Variants in EPHA8 observed in about 807,000 individuals in gnomAD.
EPHA8 encodes the protein EPH receptor A8, also known as ephrin type-A receptor 8.
Under a neutral mutation model 103.6 loss-of-function variants are expected in EPHA8, and 58 were observed. That is an observed-to-expected ratio of 0.56 (90% confidence interval 0.45 to 0.70). The LOEUF is 0.70. Among genes scored for constraint, EPHA8 ranks in the 30% least tolerant of loss-of-function variants. EPHA8 has a pLI of 0.00. For synonymous variants in EPHA8, 559 were observed against 572.5 expected, an observed-to-expected ratio of 0.98 and a Z score of 0.34; for missense variants, 1,304 against 1,395.2, an observed-to-expected ratio of 0.93 and a Z score of 1.04.
chr1:22,574,206 C>G (rs1359657773), intron 2 of EPHA8, among the ~76,000 whole-genome samples: 3 of 152,164 alleles, frequency 2.0e-5, no homozygotes, highest in Non-Finnish European at 4.4e-5. Flanking sequence ...GTGTCGATCT[C>G]CTGACCTCGT....
chr1:22,598,043 GT>G lies in EPHA8; in HGVS notation c.2117-105del, dbSNP rs66665740. ...CAGTGGAAACCCAAGGCACCCTGGG[GT>G]TTCCAGTGCTGGCACAGGTCCTGAG... On this transcript the variant is annotated intron_variant, in intron 11 of 16. Coordinates refer to ENST00000166244, the MANE Select transcript of EPHA8 (RefSeq NM_020526.5). This position sits in a 1 kb window ranked among gnomAD's most constrained non-coding sequence, Gnocchi z 5.1. The G allele has an allele frequency of 0.1, 150,029 of 1,443,632 alleles. 9,742 individuals carry two copies. Among genetic ancestry groups the G allele is most frequent in the African/African-American group, 0.26 (18,604 of 70,794 alleles). 89.4% of individuals were successfully genotyped at this position (1,443,632 alleles called of 1,614,324 possible). A position where few individuals can be genotyped will look rare whatever the true frequency, so the allele number is the denominator to read the frequency against.
At position 22,601,453 on chromosome 1, in the gene EPHA8, G is replaced by A. The variant is rs762954946; in HGVS notation, c.2883G>A (p.Met961Ile). ...FAAGGYSSLG[M>I]VLRMNAQDVR... is the part of the protein sequence containing the mutation. ...CGGGCGGATACTCCTCTCTGGGCAT[G>A]GTGCTACGCATGAACGCCCAGTGAG... Residue 961 changes from methionine to isoleucine, a missense_variant, in exon 16 of 17, where the codon ATG becomes ATA. Physicochemically the swap from Met to Ile is conservative, Grantham distance 10 (BLOSUM62 1). Coordinates refer to ENST00000166244, the MANE Select transcript of EPHA8 (RefSeq NM_020526.5). 5 of 1,610,064 alleles carry A rather than the reference G, an allele frequency of 3.1e-6. No individual in the cohort carries two copies. The highest frequency in any genetic ancestry group is 1.1e-5 in the South Asian group (1 of 91,080).
rs1641324054 is a variant in EPHA8, at chr1:22,589,654, T to C, written c.1315+448T>C. 7 of 1,162,260 alleles carry C rather than the reference T, an allele frequency of 6.0e-6. No homozygotes were observed. Among genetic ancestry groups the C allele is most frequent in the Non-Finnish European group, 6.4e-6 (6 of 944,178 alleles). The allele number at this position is 1,162,260 out of a possible 1,614,324, so 72.0% of individuals were successfully genotyped here. Reference sequence around the variant, plus strand: ...GATGATCATTTTCCAGAACAGCTGCTACAGCTGCCCTTGGGATAGACTTGG... The same window carrying C: ...GATGATCATTTTCCAGAACAGCTGCCACAGCTGCCCTTGGGATAGACTTGG... On this transcript the variant is annotated intron_variant, in intron 5 of 16. Coordinates refer to ENST00000166244, the MANE Select transcript of EPHA8 (RefSeq NM_020526.5). The surrounding 1 kb of genome is among the most constrained non-coding windows in gnomAD (Gnocchi z 4.3).
chr1:22,593,773 A>C, intron 7 of EPHA8, 87 bp downstream of exon 7: 1 of 1,398,654 alleles, frequency 7.1e-7, no homozygotes, highest in South Asian at 1.5e-5. Context: ...GAGCTAGTGC[A>C]GGCTGAGCCA....
At chr1:22,591,515 C>T (rs1457414141) in intron 5 of EPHA8, among the ~76,000 whole-genome samples, 1 of 152,068 alleles carries the variant, frequency 6.6e-6, no homozygotes, top group African/African-American at 2.4e-5. Flanking sequence ...GCCACCATGC[C>T]CAGCACCACC....
intron 2 of EPHA8, among the ~76,000 whole-genome samples, chr1:22,572,046 A>T (rs1212647237): frequency 6.6e-6 from 1 of 152,196 alleles, no homozygotes; most frequent in Non-Finnish European, 1.5e-5. Flanking sequence ...AATAAAAAAT[A>T]ATAAGCTTTC....
intron 2 of EPHA8, among the ~76,000 whole-genome samples, chr1:22,574,162 G>A (rs1640619782): frequency 2.0e-5 from 3 of 152,100 alleles, no homozygotes; most frequent in Non-Finnish European, 1.5e-5. Flanking sequence ...TGTATTTTTA[G>A]GAGAGACGGG....
chr1:22,594,418 G>C (rs1641461615), intron 7 of EPHA8, among the ~76,000 whole-genome samples: 1 of 152,192 alleles, frequency 6.6e-6, no homozygotes, highest in Non-Finnish European at 1.5e-5. Context: ...GTCTCACCTG[G>C]GGACTTACCA....
chr1:22,591,053 C>T (rs1641358966), intron 5 of EPHA8, among the ~76,000 whole-genome samples: 1 of 151,910 alleles, frequency 6.6e-6, no homozygotes, highest in Non-Finnish European at 1.5e-5. Context: ...CTTGCCTCAC[C>T]CCCACAAGAC....
chr1:22,569,158 T>G lies in EPHA8; in HGVS notation c.95-131T>G, dbSNP rs180924038. 294 of 792,944 alleles carry G rather than the reference T, an allele frequency of 3.7e-4. No homozygotes were observed. In the African/African-American group the frequency reaches 4.9e-3, roughly 13 times the overall value. The allele number at this position is 792,944 out of a possible 1,614,324, so 49.1% of individuals were successfully genotyped here. A position where few individuals can be genotyped will look rare whatever the true frequency, so the allele number is the denominator to read the frequency against. ...GGAGAGGGGAAGAGAGAAAGGGCAT[T>G]CAGGCAGAGGGACCCGTGTGAGCTG... is the stretch of plus-strand genomic sequence containing the variant. On this transcript the variant is annotated intron_variant, in intron 1 of 16. Transcript: ENST00000166244. This position sits in a 1 kb window ranked among gnomAD's most constrained non-coding sequence, Gnocchi z 4.5.
At chr1:22,581,824 G>A (rs1240216661) in intron 3 of EPHA8, among the ~76,000 whole-genome samples, 2 of 152,236 alleles carry the variant, frequency 1.3e-5, no homozygotes, top group African/African-American at 4.8e-5. Flanking sequence ...GTGCACTGCA[G>A]GCAGTGAGAT....
At chr1:22,594,317 C>T (rs1246555138) in intron 7 of EPHA8, among the ~76,000 whole-genome samples, 1 of 152,204 alleles carries the variant, frequency 6.6e-6, no homozygotes, top group Admixed American at 6.5e-5. Context: ...GAAGGACGGT[C>T]GCTCGCCTGA....
chr1:22,567,980 A>G lies in EPHA8; in HGVS notation c.95-1309A>G, dbSNP rs1387827654. Among the ~76,000 whole-genome samples the G allele has an allele frequency of 6.6e-6, 1 of 152,256 alleles. No homozygotes were observed. Among genetic ancestry groups the G allele is most frequent in the Non-Finnish European group, 1.5e-5 (1 of 68,054 alleles). On this transcript the variant is annotated intron_variant, in intron 1 of 16. Coordinates refer to ENST00000166244, the MANE Select transcript of EPHA8 (RefSeq NM_020526.5). The surrounding 1 kb of genome is among the most constrained non-coding windows in gnomAD (Gnocchi z 4.2). ...AAGAGGTGAAGGGACTTAACCAAGG[A>G]CACACAGCAGTTAGAGACGGCTGAA...
At position 22,588,053 on chromosome 1, in the gene EPHA8, C is replaced by T. The variant is rs550684649; in HGVS notation, c.980-818C>T. On this transcript the variant is annotated intron_variant, in intron 4 of 16. Transcript: ENST00000166244. ...CTTTAGGTTCTGGAAAGCTTAAGAT[C>T]GTAAAGGCTGAGCTTTTAGTATTCT... Among the ~76,000 whole-genome samples the T allele has an allele frequency of 2.6e-5, 4 of 152,310 alleles. No individual in the cohort carries two copies. The East Asian group carries it at 7.7e-4, about 29-fold the overall frequency.
Position 22,576,875 on chromosome 1 carries a change from G to A in EPHA8, c.818G>A (p.Cys273Tyr). 6.3e-7 allele frequency: 1 copy of A among 1,585,280 alleles called. No homozygotes were observed. Among genetic ancestry groups the A allele is most frequent in the Non-Finnish European group, 8.6e-7 (1 of 1,163,400 alleles). The change falls in exon 3 of 17, where the codon TGT becomes TAT. Residue 273 changes from cysteine (C) to tyrosine (Y), a missense_variant. Transcript: ENST00000166244. This position sits in a 1 kb window ranked among gnomAD's most constrained non-coding sequence, Gnocchi z 4.8. ...SAGYEERRDA[C>Y]VACELGFYKS... ...GGCTACGAGGAGCGGCGGGATGCCT[G>A]TGTGGGTGAGCGCGCCATGGCCTGG...
intron 13 of EPHA8, among the ~76,000 whole-genome samples, chr1:22,599,459 T>C (rs1641616459): frequency 6.6e-6 from 1 of 151,964 alleles, no homozygotes; most frequent in South Asian, 2.1e-4. Flanking sequence ...AGGAGCTGAG[T>C]GCATGGGGGC....
rs1360380857 is a variant in EPHA8, at chr1:22,598,902, T to C, written c.2243T>C (p.Met748Thr). Residue 748 changes from methionine (M) to threonine (T), a missense_variant, in exon 13 of 17, where the codon ATG becomes ACG. Physicochemically the swap from Met to Thr is moderately conservative, Grantham distance 81. Transcript: ENST00000166244. This position sits in a 1 kb window ranked among gnomAD's most constrained non-coding sequence, Gnocchi z 5.1. ...VGMLRGVGAG[M>T]RYLSDLGYVH... ...ATGCTGAGAGGAGTGGGTGCCGGCA[T>C]GCGCTACCTCTCAGACCTGGGCTAT... 5.6e-6 allele frequency: 9 copies of C among 1,612,908 alleles called. No individual in the cohort carries two copies. Among genetic ancestry groups the C allele is most frequent in the Non-Finnish European group, 7.6e-6 (9 of 1,179,944 alleles).
intron 5 of EPHA8, among the ~76,000 whole-genome samples, chr1:22,592,478 C>T (rs1479977592): frequency 6.6e-6 from 1 of 152,232 alleles, no homozygotes; most frequent in Admixed American, 6.5e-5. Flanking sequence ...GGGCTTTCCC[C>T]TGGACCACAC....
Position 22,578,270 on chromosome 1 carries a change from A to G in EPHA8, c.823+1390A>G, listed in dbSNP as rs534120174. Reference sequence around the variant, plus strand: ...TGTGTGTCTGTATACCCGTGTGTGCATGAGTGCATGTGTACGTGTGCATGA... The same window carrying G: ...TGTGTGTCTGTATACCCGTGTGTGCGTGAGTGCATGTGTACGTGTGCATGA... On this transcript the variant is annotated intron_variant, in intron 3 of 16. Transcript: ENST00000166244. Among the ~76,000 whole-genome samples the G allele has an allele frequency of 2.2e-5, 3 of 137,044 alleles. No homozygotes were observed. In the South Asian group the frequency reaches 7.1e-4, roughly 33 times the overall value. The allele number at this position is 137,044 out of a possible 152,430, so 89.9% of individuals were successfully genotyped here. A position where few individuals can be genotyped will look rare whatever the true frequency, so the allele number is the denominator to read the frequency against.
Sources: allele counts gnomAD v4.1 joint callset (sites outside exome capture counted in the v4.1 genomes callset), GRCh38; gene constraint gnomAD v4.1.1; non-coding constraint Gnocchi (gnomAD v3.1); transcripts MANE v1.5; gene names NCBI Gene and HGNC (gene_info 2026-07-23, HGNC 2026-07-21).